UTRN: variants seen among roughly 807,000 people sequenced by gnomAD.
UTRN encodes the protein utrophin, also known as dystrophin-related protein 1.
UTRN carries 283 observed loss-of-function variants against 463.9 expected under a neutral mutation model. The observed-to-expected ratio is 0.61, with a 90% confidence interval of 0.55 to 0.67. The LOEUF (loss-of-function observed/expected upper bound fraction) is 0.67, where lower values mean the gene tolerates loss of function less well. Among genes scored for constraint, UTRN ranks in the 30% least tolerant of loss-of-function variants. UTRN has a pLI of 0.00. For synonymous variants in UTRN, 1,442 were observed against 1,431.5 expected (o/e 1.01, Z -0.17); for missense variants, 3,922 against 4,084.3 (o/e 0.96, Z 1.08).
chr6:144,760,561 T>A (rs942826731), intron 58 of UTRN, among the ~76,000 whole-genome samples: 8 of 152,288 alleles, frequency 5.3e-5, no homozygotes, highest in African/African-American at 1.9e-4. Context: ...ACAGTTTATT[T>A]CCTCATGAAG....
At chr6:144,419,562 C>G (rs949890725) in intron 3 of UTRN, among the ~76,000 whole-genome samples, 4 of 152,174 alleles carry the variant, frequency 2.6e-5, no homozygotes, top group African/African-American at 9.7e-5. Flanking sequence ...GTACTGTGTT[C>G]ACTACTTGGG....
intron 51 of UTRN, among the ~76,000 whole-genome samples, chr6:144,624,591 C>G (rs904501101): frequency 6.6e-6 from 1 of 151,998 alleles, no homozygotes; most frequent in Non-Finnish European, 1.5e-5. Context: ...GAAGGGTGGC[C>G]GGGGGCCATT....
intron 52 of UTRN, among the ~76,000 whole-genome samples, chr6:144,693,407 G>A (rs1378703893): frequency 1.3e-5 from 2 of 152,146 alleles, no homozygotes; most frequent in Non-Finnish European, 2.9e-5. Flanking sequence ...TTTTAAAATA[G>A]TTTTCTCTAG....
rs17074024 is a variant in UTRN at position 144,668,311 on chromosome 6, G to C, written c.7480-10095G>C. 2.7e-3 allele frequency among the ~76,000 whole-genome samples: 408 copies of C among 152,270 alleles called. 15 individuals are homozygous for C. The East Asian group carries it at 0.057, about 21-fold the overall frequency. ...TGGGTGATTGAAAAACAAGCACTTA[G>C]ATGCTGGTCCCTAAGCCTGGATTCT... On this transcript the variant is annotated intron_variant, in intron 51 of 74. Coordinates refer to ENST00000367545, the MANE Select transcript of UTRN (RefSeq NM_007124.3).
At chr6:144,567,539 G>C (rs536940084) in intron 50 of UTRN, among the ~76,000 whole-genome samples, 51 of 152,270 alleles carry the variant, frequency 3.3e-4, no homozygotes, top group African/African-American at 1.2e-3. Flanking sequence ...GCAGGGGATT[G>C]TGAAATGAAG....
chr6:144,340,230 G>A (rs1353755710), intron 2 of UTRN, among the ~76,000 whole-genome samples: 1 of 152,160 alleles, frequency 6.6e-6, no homozygotes, highest in African/African-American at 2.4e-5. Flanking sequence ...GCCATAACTT[G>A]TCCTTTGCAT....
rs756478771 is a variant in UTRN at position 144,803,141 on chromosome 6, T to C, written c.9351T>C (p.Cys3117=). The change falls in exon 65 of 75, where the codon TGT becomes TGC. Residue 3117 remains cysteine (C), a synonymous_variant. Coordinates refer to ENST00000367545, the MANE Select transcript of UTRN (RefSeq NM_007124.3). The part of the protein sequence containing the change: ...HKLHYPMVEY[C]IPTTSGEDVR... ...TACATTACCCAATGGTGGAATATTGTATACCTGTGAGTACTAACCCACTGT... is the reference window on the plus strand; with the variant it reads ...TACATTACCCAATGGTGGAATATTGCATACCTGTGAGTACTAACCCACTGT... 4 of 1,571,890 alleles carry C rather than the reference T, an allele frequency of 2.5e-6. No homozygotes were observed. In the East Asian group the frequency reaches 9.2e-5, roughly 36 times the overall value.
chr6:144,294,753 T>C (rs543923431), intron 2 of UTRN, among the ~76,000 whole-genome samples: 1 of 151,980 alleles, frequency 6.6e-6, no homozygotes, highest in East Asian at 1.9e-4. Flanking sequence ...TTTATTGTCC[T>C]CACTTAGTAT....
Position 144,669,621 on chromosome 6 carries a change from G to A in UTRN, c.7480-8785G>A, listed in dbSNP as rs961100105. On this transcript the variant is annotated intron_variant, in intron 51 of 74. Transcript: ENST00000367545. ...ATTGCAGTAGTTTTGGGGGGAACAG[G>A]TGATGTTTGGTTACATCCATAAATT... Among the ~76,000 whole-genome samples, 7 of 152,118 alleles carry A rather than the reference G, an allele frequency of 4.6e-5. No individual in the cohort carries two copies. The South Asian group carries it at 1.0e-3, about 23-fold the overall frequency.
At chr6:144,790,015 AAG>A (rs1776627681) in intron 62 of UTRN, among the ~76,000 whole-genome samples, 2 of 152,176 alleles carry the variant, frequency 1.3e-5, no homozygotes, top group African/African-American at 4.8e-5. Context: ...ATTGCCAACT[AAG>A]AGGTAATAGT....
At position 144,851,723 on chromosome 6, in the gene UTRN, G is replaced by A. The variant is rs1782495474; in HGVS notation, c.*726G>A. 1 of 151,938 alleles carries A rather than the reference G, an allele frequency of 6.6e-6. No homozygotes were observed. The highest frequency in any genetic ancestry group is 2.4e-5 in the African/African-American group (1 of 41,370). 9.4% of individuals were successfully genotyped at this position (151,938 alleles called of 1,614,324 possible). On this transcript the variant is annotated 3_prime_UTR_variant, in exon 75 of 75. Coordinates refer to ENST00000367545, the MANE Select transcript of UTRN (RefSeq NM_007124.3). ...TAATAAAAATCCTATAAGCCTAAAT[G>A]GCATTTCTTTTGGGATATTTTTCCT... is the stretch of plus-strand genomic sequence containing the variant.
chr6:144,591,096 T>A (rs1048663779), intron 51 of UTRN, among the ~76,000 whole-genome samples: 7 of 152,050 alleles, frequency 4.6e-5, no homozygotes, highest in African/African-American at 1.7e-4. Context: ...TGTCTCTTGG[T>A]TGTGGTGATG....
At chr6:144,590,421 A>G (rs1275468585) in intron 51 of UTRN, among the ~76,000 whole-genome samples, 2 of 152,172 alleles carry the variant, frequency 1.3e-5, no homozygotes, top group African/African-American at 4.8e-5. Context: ...CCAGTTCTCC[A>G]TACCCACATG....
At chr6:144,450,137 C>T (rs2128556615) in intron 17 of UTRN, among the ~76,000 whole-genome samples, 1 of 152,318 alleles carries the variant, frequency 6.6e-6, no homozygotes, top group Admixed American at 6.5e-5. Context: ...CCGTTGCTTT[C>T]ACAGCCTGTT....
chr6:144,554,520 A>G (rs1799212794), intron 48 of UTRN, among the ~76,000 whole-genome samples, 168 bp from the exon 49 acceptor site: 1 of 152,198 alleles, frequency 6.6e-6, no homozygotes, highest in Non-Finnish European at 1.5e-5. Flanking sequence ...GAAATATATC[A>G]ATTGTATAGG....
Position 144,797,927 on chromosome 6 carries a change from C to T in UTRN, c.9182C>T (p.Ala3061Val), listed in dbSNP as rs1394818935. The change falls in exon 64 of 75, where the codon GCG (alanine) becomes GTG (valine). Residue 3061 changes from alanine to valine, a missense_variant. Ala to Val is a moderately conservative substitution (Grantham distance 64). Coordinates refer to ENST00000367545, the MANE Select transcript of UTRN (RefSeq NM_007124.3). ...WLPVLHRVAA[A>V]ETAKHQAKCN... ...CCAGTTTTACATCGAGTGGCAGCAGCGGAGACTGCAAAACATCAGGCCAAA... is the reference window on the plus strand; with the variant it reads ...CCAGTTTTACATCGAGTGGCAGCAGTGGAGACTGCAAAACATCAGGCCAAA... The T allele has an allele frequency of 1.2e-5, 20 of 1,614,002 alleles. No homozygotes were observed. The highest frequency in any genetic ancestry group is 4.5e-5 in the East Asian group (2 of 44,886).
At chr6:144,764,775 A>G (rs973014923) in intron 58 of UTRN, among the ~76,000 whole-genome samples, 5 of 152,252 alleles carry the variant, frequency 3.3e-5, no homozygotes, top group African/African-American at 1.2e-4. Context: ...AATAGAAGTA[A>G]TTAATCCCTT....
At chr6:144,741,197 A>T (rs968912412) in intron 54 of UTRN, among the ~76,000 whole-genome samples, 1 of 152,202 alleles carries the variant, frequency 6.6e-6, no homozygotes, top group African/African-American at 2.4e-5. Context: ...GCAGTACATA[A>T]ACATAAGCCA....
intron 60 of UTRN, among the ~76,000 whole-genome samples, chr6:144,780,368 C>A (rs1159391155): frequency 6.7e-6 from 1 of 150,332 alleles, no homozygotes; most frequent in African/African-American, 2.5e-5. Flanking sequence ...TTTTTAATGC[C>A]AAAAAGTTAA....
Sources: allele counts gnomAD v4.1 joint callset (sites outside exome capture counted in the v4.1 genomes callset), GRCh38; gene constraint gnomAD v4.1.1; transcripts MANE v1.5; gene names NCBI Gene and HGNC (gene_info 2026-07-23, HGNC 2026-07-21).